Variants in TMEM132D observed in about 807,000 individuals in gnomAD.
TMEM132D encodes the protein transmembrane protein 132D, also known as mature OL transmembrane protein.
Under a neutral mutation model 62.3 loss-of-function variants are expected in TMEM132D, and 21 were observed. That is an observed-to-expected ratio of 0.34 (90% CI 0.24 to 0.49). TMEM132D has a LOEUF of 0.49. Ranked by LOEUF, TMEM132D falls within the 20% of genes least tolerant of loss-of-function variation. TMEM132D has a pLI of 0.99. For missense variants in TMEM132D, 1,346 were observed against 1,402.8 expected (o/e 0.96, Z 0.65); for synonymous variants, 621 against 575.6 (o/e 1.08, Z -1.13).
intron 3 of TMEM132D, among the ~76,000 whole-genome samples, chr12:129,500,570 C>T (rs1875108935): frequency 6.6e-6 from 1 of 152,224 alleles, no homozygotes; most frequent in African/African-American, 2.4e-5. Context: ...ATGGGGTCTA[C>T]CTTAGACAGA....
intron 4 of TMEM132D, among the ~76,000 whole-genome samples, chr12:129,273,581 C>A (rs947987692): frequency 6.6e-6 from 1 of 151,820 alleles, no homozygotes; most frequent in African/African-American, 2.4e-5. Context: ...GAATATTATG[C>A]AGCCATAACA....
intron 2 of TMEM132D, among the ~76,000 whole-genome samples, chr12:129,628,018 T>G (rs1213988339): frequency 2.0e-5 from 3 of 152,180 alleles, no homozygotes; most frequent in Non-Finnish European, 2.9e-5. Flanking sequence ...ACACAAAAGA[T>G]TTCCGATAAG....
At chr12:129,727,445 C>T (rs1869077184) in intron 1 of TMEM132D, among the ~76,000 whole-genome samples, 1 of 152,176 alleles carries the variant, frequency 6.6e-6, no homozygotes, top group African/African-American at 2.4e-5. Flanking sequence ...GAAGGCAGAG[C>T]CCTCATGATC....
intron 1 of TMEM132D, among the ~76,000 whole-genome samples, chr12:129,872,359 G>C (rs948794209): frequency 6.6e-6 from 1 of 152,166 alleles, no homozygotes; most frequent in African/African-American, 2.4e-5. Context: ...CATCGTGAAC[G>C]TGAACTTCCC....
intron 3 of TMEM132D, among the ~76,000 whole-genome samples, chr12:129,393,388 G>A (rs1377523359): frequency 6.6e-6 from 1 of 152,176 alleles, no homozygotes; most frequent in Non-Finnish European, 1.5e-5. Flanking sequence ...TGGTTTAATG[G>A]ATCAAAATTT....
chr12:129,354,664 G>A (rs1869981146), intron 3 of TMEM132D, among the ~76,000 whole-genome samples: 1 of 152,004 alleles, frequency 6.6e-6, no homozygotes, highest in Non-Finnish European at 1.5e-5. Flanking sequence ...TGCTTTAAAA[G>A]CTTTTTATGT....
Position 129,825,333 on chromosome 12 carries a change from C to T in TMEM132D, c.79+77928G>A, listed in dbSNP as rs527264382. 1.3e-3 allele frequency among the ~76,000 whole-genome samples: 196 copies of T among 152,188 alleles called. 1 individual carries two copies. Among genetic ancestry groups the T allele is most frequent in the African/African-American group, 4.4e-3 (181 of 41,532 alleles). On this transcript the variant is annotated intron_variant, in intron 1 of 8. Transcript: ENST00000422113. ...TGCGCCCGGCCCAGTCACTTTCTTC[C>T]GTGTCTCCCTGGGTGGGCGACTGCT...
At chr12:129,530,644 C>G (rs908669888) in intron 3 of TMEM132D, among the ~76,000 whole-genome samples, 3 of 152,206 alleles carry the variant, frequency 2.0e-5, no homozygotes, top group African/African-American at 7.2e-5. Context: ...TAAATATACA[C>G]TGCAAACGTG....
intron 4 of TMEM132D, among the ~76,000 whole-genome samples, chr12:129,292,490 G>C (rs1367171023): frequency 2.6e-5 from 4 of 152,024 alleles, no homozygotes; most frequent in Non-Finnish European, 5.9e-5. Flanking sequence ...CCTGTAATTA[G>C]AGAAGGGCCA....
At chr12:129,411,240 T>G (rs1871959261) in intron 3 of TMEM132D, among the ~76,000 whole-genome samples, 1 of 152,230 alleles carries the variant, frequency 6.6e-6, no homozygotes, top group South Asian at 2.1e-4. Flanking sequence ...AATTATCTGA[T>G]TGATGAATTC....
At chr12:129,228,912 G>A (rs1879557233) in intron 4 of TMEM132D, among the ~76,000 whole-genome samples, 2 of 152,180 alleles carry the variant, frequency 1.3e-5, no homozygotes, top group Admixed American at 1.3e-4. Context: ...ATAAGATCCG[G>A]ACTTCTGGTT....
intron 3 of TMEM132D, among the ~76,000 whole-genome samples, chr12:129,344,098 A>G (rs1216928397): frequency 6.6e-6 from 1 of 152,050 alleles, no homozygotes; most frequent in Non-Finnish European, 1.5e-5. Context: ...GGAATGTCCT[A>G]CTCTGTCTGT....
At chr12:129,645,498 G>A (rs928328580) in intron 2 of TMEM132D, among the ~76,000 whole-genome samples, 4 of 152,114 alleles carry the variant, frequency 2.6e-5, no homozygotes, top group South Asian at 2.1e-4. Context: ...GTCTTATGTC[G>A]GTGATTTTTC....
At chr12:129,896,595 G>A (rs965367573) in intron 1 of TMEM132D, among the ~76,000 whole-genome samples, 27 of 152,156 alleles carry the variant, frequency 1.8e-4, no homozygotes, top group African/African-American at 6.5e-4. Context: ...TGCAGAGGGA[G>A]ATTCCCATAA....
intron 3 of TMEM132D, among the ~76,000 whole-genome samples, chr12:129,426,973 GA>G (rs762379523): frequency 1.3e-5 from 2 of 152,204 alleles, no homozygotes; most frequent in Non-Finnish European, 2.9e-5. Flanking sequence ...AGGGCCTTGG[GA>G]AAGTCACTTT....
At chr12:129,520,758 C>A (rs1222623856) in intron 3 of TMEM132D, among the ~76,000 whole-genome samples, 1 of 152,166 alleles carries the variant, frequency 6.6e-6, no homozygotes, top group Non-Finnish European at 1.5e-5. Flanking sequence ...TATTAAAAAC[C>A]AAATCCAATC....
chr12:129,216,832 C>A (rs1163633490), intron 4 of TMEM132D, among the ~76,000 whole-genome samples: 1 of 152,182 alleles, frequency 6.6e-6, no homozygotes, highest in Non-Finnish European at 1.5e-5. Context: ...CTCATTCTAA[C>A]CATTGATTTC....
intron 4 of TMEM132D, among the ~76,000 whole-genome samples, chr12:129,330,032 T>C (rs1477543845): frequency 6.6e-6 from 1 of 152,158 alleles, no homozygotes; most frequent in African/African-American, 2.4e-5. Flanking sequence ...AAATGGAAAT[T>C]TTCTACCGAA....
chr12:129,853,272 T>C (rs1338192308), intron 1 of TMEM132D: 2 of 152,234 alleles, frequency 1.3e-5, no homozygotes, highest in Non-Finnish European at 1.5e-5. Flanking sequence ...TGTTTCTAGA[T>C]GAGGAGAATG....
Sources: gnomAD v4.1 joint callset for allele counts (sites outside exome capture counted in the v4.1 genomes callset) on GRCh38, gnomAD v4.1.1 for gene constraint, MANE v1.5 for transcripts, NCBI Gene and HGNC (gene_info 2026-07-23, HGNC 2026-07-21) for gene names.